The following MSR1 variants were observed in gnomAD, a reference collection of about 807,000 sequenced individuals.
The protein encoded by MSR1 is macrophage scavenger receptor 1.
A neutral mutation model predicts 47.2 loss-of-function variants in MSR1; 53 were observed. The observed-to-expected ratio is 1.12, with a 90% CI of 0.90 to 1.41. The LOEUF is 1.41. MSR1 is among the 40% of genes most tolerant of loss of function. MSR1 has a pLI of 0.00. For missense variants in MSR1, 786 were observed against 546.9 expected (o/e 1.44, Z -4.36); for synonymous variants, 239 against 185.6 (o/e 1.29, Z -2.34).
In MSR1 at chr8:16,110,044, T is replaced by C. The variant is rs754679372; in HGVS notation, c.*41A>G. The C allele has an allele frequency of 1.6e-5, 26 of 1,611,070 alleles. No individual in the cohort carries two copies. In the African/African-American group the frequency reaches 2.5e-4, roughly 16 times the overall value. Reference sequence around the variant, plus strand: ...CAGGAACAAGGTAATAAAATCATTTTTGAGCAGCGATTTCATAGTTGTGAA... The same window carrying C: ...CAGGAACAAGGTAATAAAATCATTTCTGAGCAGCGATTTCATAGTTGTGAA... On this transcript the variant is annotated 3_prime_UTR_variant, in exon 10 of 10. Transcript: ENST00000262101.
chr8:16,130,219 T>C (rs1267207832), intron 8 of MSR1, among the ~76,000 whole-genome samples: 1 of 152,156 alleles, frequency 6.6e-6, no homozygotes, highest in Non-Finnish European at 1.5e-5. Flanking sequence ...TCCTGTTTTA[T>C]TGGTCTTCAC....
Position 16,120,517 on chromosome 8 carries a change from A to T in MSR1, c.1123T>A (p.Cys375Ser). 1 of 1,613,050 alleles carries T rather than the reference A, an allele frequency of 6.2e-7. No homozygotes were observed. The highest frequency in any genetic ancestry group is 8.5e-7 in the Non-Finnish European group (1 of 1,179,826). ...ACGCGCACTTCCCAGCGATCGTCAC[A>T]AATTGTACCCCACTGGCCGCTGTGG... ...ILHSGQWGTI[C>S]DDRWEVRVGQ... The change falls in exon 9 of 10, where the codon TGT becomes AGT. Residue 375 changes from cysteine to serine, a missense_variant. Physicochemically the swap from Cys to Ser is moderately radical, Grantham distance 112. Coordinates refer to ENST00000262101, the MANE Select transcript of MSR1 (RefSeq NM_138715.3).
At chr8:16,167,010 G>C (rs1563162086) in intron 4 of MSR1, among the ~76,000 whole-genome samples, 1 of 152,162 alleles carries the variant, frequency 6.6e-6, no homozygotes, top group East Asian at 1.9e-4. Context: ...GTCTCTGTGA[G>C]TGACTACTGT....
intron 6 of MSR1, among the ~76,000 whole-genome samples, chr8:16,151,845 C>G (rs1399748974): frequency 6.6e-6 from 1 of 152,164 alleles, no homozygotes; most frequent in Non-Finnish European, 1.5e-5. Flanking sequence ...AGGGCATGGA[C>G]TCTGCACTCA....
intron 1 of MSR1, among the ~76,000 whole-genome samples, chr8:16,178,288 C>T (rs1254362791): frequency 5.6e-5 from 8 of 143,218 alleles, no homozygotes; most frequent in East Asian, 2.2e-4. Flanking sequence ...CAGTGTGTGA[C>T]GTTCCCCTTC....
intron 1 of MSR1, among the ~76,000 whole-genome samples, chr8:16,188,403 G>A (rs919196762): frequency 1.3e-5 from 2 of 151,974 alleles, no homozygotes; most frequent in Admixed American, 6.6e-5. Context: ...CTGTAACATA[G>A]TTCATATCAT....
intron 6 of MSR1, 47 bp downstream of exon 6, chr8:16,155,017 A>G: frequency 6.8e-7 from 1 of 1,474,614 alleles, no homozygotes; most frequent in East Asian, 2.3e-5. Context: ...CTGGATGTAT[A>G]TCATCTATCT....
At chr8:16,118,809 T>A (rs1232003503) in intron 9 of MSR1, among the ~76,000 whole-genome samples, 1 of 152,160 alleles carries the variant, frequency 6.6e-6, no homozygotes, top group Non-Finnish European at 1.5e-5. Context: ...ATTTTTTCTT[T>A]TTCCTCTTCT....
chr8:16,132,164 T>G (rs141100644), intron 8 of MSR1, among the ~76,000 whole-genome samples: 1 of 152,254 alleles, frequency 6.6e-6, no homozygotes, highest in African/African-American at 2.4e-5. Context: ...AGGATTTCTT[T>G]GAGCAGTGGT....
At chr8:16,132,690 G>T (rs567910613) in intron 8 of MSR1, among the ~76,000 whole-genome samples, 375 of 152,112 alleles carry the variant, frequency 2.5e-3, no homozygotes, top group Middle Eastern at 0.01. Context: ...TTTGCCATTT[G>T]GCCAGGCTGG....
At chr8:16,118,282 T>C (rs1283504980) in intron 9 of MSR1, among the ~76,000 whole-genome samples, 7 of 152,188 alleles carry the variant, frequency 4.6e-5, no homozygotes, top group African/African-American at 1.7e-4. Context: ...ACTAAGAGCA[T>C]GGATAAGACT....
At chr8:16,138,914 A>C (rs1800457666) in intron 8 of MSR1, among the ~76,000 whole-genome samples, 1 of 152,094 alleles carries the variant, frequency 6.6e-6, no homozygotes, top group Non-Finnish European at 1.5e-5. Flanking sequence ...ACTTGTTTCA[A>C]CCTTTCTTGG....
chr8:16,114,539 A>G (rs1197199897), intron 9 of MSR1, among the ~76,000 whole-genome samples: 1 of 152,070 alleles, frequency 6.6e-6, no homozygotes, highest in African/African-American at 2.4e-5. Context: ...CACAGGCACA[A>G]TAGCTGGGAA....
At chr8:16,177,173 T>TA (rs1238471914) in intron 2 of MSR1, among the ~76,000 whole-genome samples, 3 of 152,172 alleles carry the variant, frequency 2.0e-5, no homozygotes, top group Non-Finnish European at 4.4e-5. Flanking sequence ...CACCAACAGA[T>TA]ATGTTAAAGT....
intron 6 of MSR1, among the ~76,000 whole-genome samples, chr8:16,154,483 G>C (rs926440765): frequency 4.6e-5 from 7 of 151,962 alleles, no homozygotes. Context: ...GTAAAGCACA[G>C]AGAGTGACTG....
In MSR1 at chr8:16,175,177, G is replaced by C; in HGVS notation, c.217+10C>G. The C allele has an allele frequency of 1.9e-6, 3 of 1,609,870 alleles. No individual in the cohort carries two copies. Among genetic ancestry groups the C allele is most frequent in the South Asian group, 2.2e-5 (2 of 91,014 alleles). On this transcript the variant is annotated intron_variant, in intron 3 of 9. Coordinates refer to ENST00000262101, the MANE Select transcript of MSR1 (RefSeq NM_138715.3). ...GAGTTACTAAATTTCAAAACTCTGGGTTACGTTACCTGCCACTATTCCAAT... is the reference window on the plus strand; with the variant it reads ...GAGTTACTAAATTTCAAAACTCTGGCTTACGTTACCTGCCACTATTCCAAT...
chr8:16,178,350 C>T (rs560465652), intron 1 of MSR1, among the ~76,000 whole-genome samples: 154 of 150,338 alleles, frequency 1.0e-3, no homozygotes, highest in African/African-American at 3.6e-3. Flanking sequence ...TGAGAACATG[C>T]GGTGTTTGGG....
chr8:16,115,943 G>C (rs1050336252), intron 9 of MSR1, among the ~76,000 whole-genome samples: 3 of 151,926 alleles, frequency 2.0e-5, no homozygotes, highest in Non-Finnish European at 4.4e-5. Context: ...ACCTGTGATT[G>C]TACCATTGTA....
At chr8:16,167,208 G>A (rs188476003) in intron 4 of MSR1, among the ~76,000 whole-genome samples, 28 of 152,162 alleles carry the variant, frequency 1.8e-4, no homozygotes, top group Non-Finnish European at 2.9e-5. Context: ...CTTCCAGATA[G>A]TTTCCAATTT....
Sources: allele counts gnomAD v4.1 joint callset (sites outside exome capture counted in the v4.1 genomes callset), GRCh38; gene constraint gnomAD v4.1.1; transcripts MANE v1.5; gene names NCBI Gene and HGNC (gene_info 2026-07-23, HGNC 2026-07-21).